Variants in SLC16A2 observed in about 807,000 individuals in gnomAD.
SLC16A2 encodes the protein solute carrier family 16 member 2.
A neutral mutation model predicts 27.2 loss-of-function variants in SLC16A2; 3 were observed. The observed-to-expected ratio is 0.11, with a 90% confidence interval of 0.05 to 0.28. The LOEUF (loss-of-function observed/expected upper bound fraction) is 0.28. Ranked by LOEUF, SLC16A2 falls within the 10% of genes least tolerant of loss-of-function variation. The pLI, the probability that SLC16A2 is intolerant of heterozygous loss-of-function variation, is 1.00. For synonymous variants in SLC16A2, 202 were observed against 187.8 expected, an observed-to-expected ratio of 1.08 and a Z score of -0.62; for missense variants, 295 against 458.5, an observed-to-expected ratio of 0.64 and a Z score of 3.26.
intron 1 of SLC16A2, among the ~76,000 whole-genome samples, chrX:74,518,459 C>A (rs889716238): frequency 9.1e-6 from 1 of 110,258 alleles, no homozygotes; most frequent in Non-Finnish European, 1.9e-5. Flanking sequence ...GGCATGGTGG[C>A]GTGCGCCTGT....
intron 1 of SLC16A2, among the ~76,000 whole-genome samples, chrX:74,520,121 A>G (rs1930383293): frequency 8.9e-6 from 1 of 112,398 alleles, no homozygotes; most frequent in African/African-American, 3.2e-5. Flanking sequence ...AAGTTGGCCC[A>G]GTGCCTAGCT....
chrX:74,441,126 C>T (rs1257373396), intron 1 of SLC16A2, among the ~76,000 whole-genome samples: 8 of 109,834 alleles, frequency 7.3e-5, no homozygotes, highest in Non-Finnish European at 1.3e-4. Flanking sequence ...GACACGATCT[C>T]GGCTCACGGC....
chrX:74,519,430 G>A (rs1602140299), intron 1 of SLC16A2, among the ~76,000 whole-genome samples: 2 of 103,829 alleles, frequency 1.9e-5, no homozygotes, highest in Admixed American at 1.0e-4. Flanking sequence ...GCCTGCCCTG[G>A]CCTCCCAAAG....
intron 1 of SLC16A2, among the ~76,000 whole-genome samples, chrX:74,478,059 A>G (rs778201512): frequency 1.3e-4 from 14 of 111,670 alleles, no homozygotes; most frequent in African/African-American, 4.6e-4. Flanking sequence ...TTTCTGTCTC[A>G]TTGATCTATC....
chrX:74,509,389 T>C (rs1436319845), intron 1 of SLC16A2, among the ~76,000 whole-genome samples: 1 of 112,064 alleles, frequency 8.9e-6, no homozygotes, highest in Non-Finnish European at 1.9e-5. Flanking sequence ...GCTAAGAGTT[T>C]TTTTAAAATT....
In SLC16A2 at chrX:74,498,966, C is replaced by T. The variant is rs1170525746; in HGVS notation, c.431-22024C>T. Among the ~76,000 whole-genome samples, 9 of 111,979 alleles carry T rather than the reference C, an allele frequency of 8.0e-5. No homozygotes were observed. In the East Asian group the frequency reaches 2.2e-3, roughly 28 times the overall value. On this transcript the variant is annotated intron_variant, in intron 1 of 5. Transcript: ENST00000587091. ...ACAGTGGGTCTCCAGTCCTTTGGGG[C>T]TCAGGGTTCCACCTCCCTTCTCTCT...
intron 1 of SLC16A2, among the ~76,000 whole-genome samples, chrX:74,492,635 G>A (rs1358212746): frequency 9.0e-6 from 1 of 110,754 alleles, no homozygotes; most frequent in Non-Finnish European, 1.9e-5. Flanking sequence ...TTGCAAAGGA[G>A]CAGAATTAGC....
intron 1 of SLC16A2, among the ~76,000 whole-genome samples, chrX:74,469,594 A>G (rs545723409): frequency 9.9e-5 from 11 of 111,247 alleles, no homozygotes; most frequent in Middle Eastern, 9.2e-3. Context: ...GTATCTTTTC[A>G]TGTGTTCATT....
intron 1 of SLC16A2, among the ~76,000 whole-genome samples, chrX:74,433,145 G>A (rs1414955518): frequency 9.0e-6 from 1 of 111,521 alleles, no homozygotes; most frequent in Non-Finnish European, 1.9e-5. Flanking sequence ...GCCGAAGTGG[G>A]TGGATCACTT....
intron 1 of SLC16A2, among the ~76,000 whole-genome samples, chrX:74,492,148 G>A (rs1929839162): frequency 1.8e-5 from 2 of 111,470 alleles, no homozygotes; most frequent in South Asian, 7.7e-4. Flanking sequence ...GAGCAAGTGA[G>A]GCCACTCCCC....
chrX:74,421,949 G>T lies in SLC16A2; in HGVS notation c.312G>T (p.Val104=), dbSNP rs1928308430. ...AAGGTGGCTTCGGCTGGGTGGTGGTGTTCGCTGCCACCTGGTGCAACGGCT... is the reference window on the plus strand; with the variant it reads ...AAGGTGGCTTCGGCTGGGTGGTGGTTTTCGCTGCCACCTGGTGCAACGGCT... ...PPEGGFGWVV[V]FAATWCNGSI... The change falls in exon 1 of 6, where the codon GTG becomes GTT. Residue 104 remains valine (V), a synonymous_variant. Coordinates refer to ENST00000587091, the MANE Select transcript of SLC16A2 (RefSeq NM_006517.5). The T allele has an allele frequency of 8.3e-7, 1 of 1,211,281 alleles. No individual in the cohort carries two copies. Among genetic ancestry groups the T allele is most frequent in the Non-Finnish European group, 1.1e-6 (1 of 895,430 alleles).
At chrX:74,527,642 C>T (rs184933675) in intron 4 of SLC16A2, among the ~76,000 whole-genome samples, 3 of 112,382 alleles carry the variant, frequency 2.7e-5, no homozygotes, top group Non-Finnish European at 3.8e-5. Context: ...CTGTTTCTCA[C>T]GTCCAAGAGG....
intron 1 of SLC16A2, among the ~76,000 whole-genome samples, chrX:74,489,552 C>G (rs1015741536): frequency 8.0e-5 from 9 of 112,019 alleles, no homozygotes; most frequent in Non-Finnish European, 1.5e-4. Flanking sequence ...CTTCAAAAAG[C>G]ATTTGACTAG....
intron 1 of SLC16A2, among the ~76,000 whole-genome samples, chrX:74,462,531 G>A (rs968425563): frequency 9.0e-6 from 1 of 111,422 alleles, no homozygotes; most frequent in African/African-American, 3.3e-5. Flanking sequence ...TGTTGGCCGG[G>A]CTGGTCTTAA....
At chrX:74,494,524 T>C (rs1286490983) in intron 1 of SLC16A2, among the ~76,000 whole-genome samples, 2 of 111,900 alleles carry the variant, frequency 1.8e-5, no homozygotes, top group Non-Finnish European at 1.9e-5. Context: ...AAACTTTAAA[T>C]GTCTCATGTC....
intron 1 of SLC16A2, among the ~76,000 whole-genome samples, chrX:74,424,977 G>T (rs1928378510): frequency 8.9e-6 from 1 of 112,202 alleles, no homozygotes; most frequent in South Asian, 3.7e-4. Flanking sequence ...TCCCACCTCA[G>T]CTTCTCAAGT....
At chrX:74,464,663 C>A (rs1206170440) in intron 1 of SLC16A2, among the ~76,000 whole-genome samples, 3 of 111,363 alleles carry the variant, frequency 2.7e-5, no homozygotes, top group Admixed American at 9.6e-5. Flanking sequence ...GAGTCTTCAC[C>A]CAGCTAGGGG....
intron 1 of SLC16A2, among the ~76,000 whole-genome samples, chrX:74,435,555 T>TG (rs1182486741): frequency 6.1e-5 from 2 of 32,951 alleles, no homozygotes; most frequent in African/African-American, 1.4e-4. Context: ...ATATATATAT[T>TG]TTTTTTTTTT....
chrX:74,426,476 T>C (rs776619188), intron 1 of SLC16A2, among the ~76,000 whole-genome samples: 1 of 111,960 alleles, frequency 8.9e-6, no homozygotes, highest in East Asian at 2.8e-4. Flanking sequence ...CACTGTACAG[T>C]GGCCTCAAAT....
Sources: gnomAD v4.1 joint callset for allele counts (sites outside exome capture counted in the v4.1 genomes callset) on GRCh38, gnomAD v4.1.1 for gene constraint, MANE v1.5 for transcripts, NCBI Gene and HGNC (gene_info 2026-07-23, HGNC 2026-07-21) for gene names.